LRRC4C: variants seen among roughly 807,000 people sequenced by gnomAD.
The protein encoded by LRRC4C is leucine-rich repeat-containing protein 4C.
Under a neutral mutation model 33.6 loss-of-function variants are expected in LRRC4C, and 5 were observed. The observed-to-expected ratio is 0.15, with a 90% CI of 0.08 to 0.31. LRRC4C has a LOEUF of 0.31. Ranked by LOEUF, LRRC4C falls within the 10% of genes least tolerant of loss-of-function variation. The pLI, the probability that LRRC4C is intolerant of heterozygous loss-of-function variation, is 1.00. For synonymous variants in LRRC4C, 329 were observed against 302.0 expected (o/e 1.09, Z -0.93); for missense variants, 560 against 796.7 (o/e 0.70, Z 3.58).
intron 4 of LRRC4C, among the ~76,000 whole-genome samples, chr11:40,270,051 G>C (rs866146613): frequency 1.3e-5 from 2 of 152,120 alleles, no homozygotes; most frequent in Non-Finnish European, 2.9e-5. Context: ...GAACCCCTAC[G>C]CCTCCCATAC....
At chr11:40,228,575 A>T (rs1317464041) in intron 5 of LRRC4C, among the ~76,000 whole-genome samples, 2 of 152,264 alleles carry the variant, frequency 1.3e-5, no homozygotes, top group Non-Finnish European at 2.9e-5. Context: ...AGCAGAATAA[A>T]TGCAGCATAA....
chr11:41,001,222 A>G (rs1274037723), intron 1 of LRRC4C, among the ~76,000 whole-genome samples: 3 of 152,142 alleles, frequency 2.0e-5, no homozygotes, highest in Admixed American at 1.3e-4. Flanking sequence ...GAATTGACCT[A>G]TCTCTTGGCC....
chr11:40,783,090 T>C (rs1277581461), intron 2 of LRRC4C, among the ~76,000 whole-genome samples: 1 of 152,144 alleles, frequency 6.6e-6, no homozygotes, highest in Non-Finnish European at 1.5e-5. Flanking sequence ...ATACAAGTGT[T>C]GATTACTCAC....
At chr11:40,227,601 G>A (rs920125198) in intron 5 of LRRC4C, among the ~76,000 whole-genome samples, 1 of 151,948 alleles carries the variant, frequency 6.6e-6, no homozygotes, top group Non-Finnish European at 1.5e-5. Context: ...GCTGATGGAG[G>A]GTATGCAGTG....
At chr11:40,225,359 A>C (rs983222549) in intron 5 of LRRC4C, among the ~76,000 whole-genome samples, 1 of 152,200 alleles carries the variant, frequency 6.6e-6, no homozygotes, top group Non-Finnish European at 1.5e-5. Context: ...GGGAAAATGG[A>C]CCTTTCCTAT....
rs528325828 is a variant in LRRC4C, at chr11:40,581,919, T to C, written c.-270+66223A>G. On this transcript the variant is annotated intron_variant, in intron 3 of 6. Transcript: ENST00000528697. The stretch of plus-strand genomic sequence containing the variant: ...CTCTGTCTCTAAATAAATAAAAGAA[T>C]AAAAATAAATAAAAGAATAAAACTA... Among the ~76,000 whole-genome samples, 10 of 152,022 alleles carry C rather than the reference T, an allele frequency of 6.6e-5. No homozygotes were observed. In the South Asian group the frequency reaches 1.9e-3, roughly 28 times the overall value.
At chr11:40,410,348 T>A (rs190128769) in intron 3 of LRRC4C, among the ~76,000 whole-genome samples, 1 of 152,270 alleles carries the variant, frequency 6.6e-6, no homozygotes, top group Non-Finnish European at 1.5e-5. Flanking sequence ...TAAAATATTT[T>A]ACTTTCTTTT....
At chr11:40,323,207 C>CA in intron 3 of LRRC4C, among the ~76,000 whole-genome samples, 1 of 152,188 alleles carries the variant, frequency 6.6e-6, no homozygotes, top group Admixed American at 6.5e-5. Flanking sequence ...TTTTACATGA[C>CA]AAAAAAGGTG....
intron 1 of LRRC4C, among the ~76,000 whole-genome samples, chr11:40,991,815 T>C (rs1484251760): frequency 6.6e-6 from 1 of 152,156 alleles, no homozygotes; most frequent in African/African-American, 2.4e-5. Context: ...CAGGCTGTAA[T>C]GTGAGCGAGG....
At chr11:40,513,035 G>C (rs1366891334) in intron 3 of LRRC4C, among the ~76,000 whole-genome samples, 1 of 151,728 alleles carries the variant, frequency 6.6e-6, no homozygotes, top group African/African-American at 2.4e-5. Flanking sequence ...AGATCACGAG[G>C]TCAGGAGATC....
chr11:40,792,579 C>A (rs945327204), intron 2 of LRRC4C, among the ~76,000 whole-genome samples: 1 of 151,974 alleles, frequency 6.6e-6, no homozygotes, highest in African/African-American at 2.4e-5. Flanking sequence ...GTCAGTGTGG[C>A]GATTCCTCAG....
intron 1 of LRRC4C, among the ~76,000 whole-genome samples, chr11:41,083,831 T>C (rs1274365787): frequency 6.6e-6 from 1 of 152,186 alleles, no homozygotes; most frequent in Admixed American, 6.5e-5. Flanking sequence ...ATATTGTGAT[T>C]CATGACAGTG....
chr11:40,290,388 G>T (rs1344008975), intron 4 of LRRC4C, among the ~76,000 whole-genome samples: 1 of 152,208 alleles, frequency 6.6e-6, no homozygotes, highest in Non-Finnish European at 1.5e-5. Context: ...TATTTTCATA[G>T]GTTGGTAAAT....
chr11:40,210,422 C>T (rs989957794), intron 5 of LRRC4C, among the ~76,000 whole-genome samples: 4 of 152,092 alleles, frequency 2.6e-5, no homozygotes, highest in African/African-American at 7.2e-5. Context: ...AATGAAGGGT[C>T]TCATATAGAG....
intron 1 of LRRC4C, among the ~76,000 whole-genome samples, chr11:40,988,713 C>CTTTTTTTTTTTTTTT (rs869034558): frequency 3.6e-4 from 21 of 57,738 alleles, no homozygotes; most frequent in Non-Finnish European, 5.0e-4. Context: ...CTTTTCTTTT[C>CTTTTTTTTTTTTTTT]TTTTTTTTTT....
intron 2 of LRRC4C, among the ~76,000 whole-genome samples, chr11:40,739,027 G>GTA (rs780670429): frequency 2.9e-5 from 2 of 68,134 alleles, no homozygotes; most frequent in Non-Finnish European, 7.5e-5. Flanking sequence ...GTGTGTGTGT[G>GTA]TATGTGTGTG....
intron 5 of LRRC4C, among the ~76,000 whole-genome samples, chr11:40,224,962 T>C (rs1864675589): frequency 6.6e-6 from 1 of 152,146 alleles, no homozygotes; most frequent in African/African-American, 2.4e-5. Context: ...CTTCTTAAAA[T>C]AAAAGAGTTA....
chr11:40,449,152 CA>C (rs895017142), intron 3 of LRRC4C, among the ~76,000 whole-genome samples: 1 of 152,050 alleles, frequency 6.6e-6, no homozygotes, highest in African/African-American at 2.4e-5. Context: ...AGCCCTTTCT[CA>C]GATGGTTAGA....
chr11:40,128,864 G>T (rs116970099), intron 6 of LRRC4C, among the ~76,000 whole-genome samples: 2 of 152,002 alleles, frequency 1.3e-5, no homozygotes, highest in African/African-American at 4.8e-5. Flanking sequence ...AGTTCTTTTT[G>T]ATTACCTGGC....
Sources: allele counts gnomAD v4.1 joint callset (sites outside exome capture counted in the v4.1 genomes callset), GRCh38; gene constraint gnomAD v4.1.1; transcripts MANE v1.5; gene names NCBI Gene and HGNC (gene_info 2026-07-23, HGNC 2026-07-21).